LRMDA: variants seen among roughly 807,000 people sequenced by gnomAD.
LRMDA encodes leucine-rich melanocyte differentiation-associated protein.
Under a neutral mutation model 29.8 loss-of-function variants are expected in LRMDA, and 18 were observed. The observed-to-expected ratio is 0.60, with a 90% confidence interval of 0.42 to 0.90. The LOEUF (loss-of-function observed/expected upper bound fraction) is 0.90. Ranked by LOEUF, LRMDA falls within the 40% of genes least tolerant of loss-of-function variation. The pLI is 0.00. For missense variants in LRMDA, 273 were observed against 273.9 expected (o/e 1.00, Z 0.02); for synonymous variants, 125 against 109.4 (o/e 1.14, Z -0.89).
chr10:75,987,871 C>G (rs1847288381), intron 2 of LRMDA, among the ~76,000 whole-genome samples: 1 of 152,186 alleles, frequency 6.6e-6, no homozygotes, highest in East Asian at 1.9e-4. Flanking sequence ...GTCATAATTT[C>G]CTTCATTCAG....
chr10:76,355,817 G>T (rs145488563), intron 6 of LRMDA, among the ~76,000 whole-genome samples: 9 of 152,294 alleles, frequency 5.9e-5, no homozygotes, highest in African/African-American at 2.2e-4. Context: ...AAATTATTGG[G>T]TTAGGGAGTA....
chr10:76,101,951 A>G (rs1195344845), intron 5 of LRMDA, among the ~76,000 whole-genome samples: 1 of 152,192 alleles, frequency 6.6e-6, no homozygotes, highest in East Asian at 1.9e-4. Context: ...TTTTGTCTCC[A>G]TGGATTTATC....
chr10:76,424,883 G>A lies in LRMDA; in HGVS notation c.601+100398G>A, dbSNP rs1015001281. On this transcript the variant is annotated intron_variant, in intron 6 of 6. Transcript: ENST00000611255. ...AGAGATTGTGCCTTGACTAAAAAGC[G>A]CCAGCAAGTTTATGATGGGTGGTTG... is the stretch of plus-strand genomic sequence containing the variant. 3.9e-5 allele frequency among the ~76,000 whole-genome samples: 6 copies of A among 152,262 alleles called. No individual in the cohort carries two copies. The East Asian group carries it at 7.7e-4, about 20-fold the overall frequency.
At chr10:76,218,945 C>A (rs1851777275) in intron 5 of LRMDA, among the ~76,000 whole-genome samples, 2 of 152,204 alleles carry the variant, frequency 1.3e-5, no homozygotes, top group South Asian at 4.1e-4. Context: ...GAAACAGAAT[C>A]TATGCAGCTC....
At chr10:76,242,265 T>C (rs1050806310) in intron 5 of LRMDA, 2 of 152,150 alleles carry the variant, frequency 1.3e-5, no homozygotes, top group African/African-American at 4.8e-5. Context: ...CAAGTGATCT[T>C]CTCACCTCAG....
At chr10:75,802,669 C>T (rs1428436931) in intron 2 of LRMDA, among the ~76,000 whole-genome samples, 2 of 151,106 alleles carry the variant, frequency 1.3e-5, no homozygotes, top group East Asian at 2.0e-4. Flanking sequence ...CAAACACTAT[C>T]GAATGAAAGA....
intron 6 of LRMDA, among the ~76,000 whole-genome samples, chr10:76,324,710 A>C (rs1840813729): frequency 6.6e-6 from 1 of 151,894 alleles, no homozygotes; most frequent in Admixed American, 6.5e-5. Context: ...GTATAATATA[A>C]TTTTGTGATT....
intron 2 of LRMDA, among the ~76,000 whole-genome samples, chr10:75,691,979 G>A (rs1842164561): frequency 6.6e-6 from 1 of 151,986 alleles, no homozygotes; most frequent in South Asian, 2.1e-4. Context: ...AAGGCAGGAA[G>A]ACCATTTGAG....
intron 2 of LRMDA, among the ~76,000 whole-genome samples, chr10:75,989,091 C>T (rs1426333734): frequency 6.6e-6 from 1 of 152,152 alleles, no homozygotes; most frequent in Non-Finnish European, 1.5e-5. Flanking sequence ...TGCGGGAATC[C>T]AACTCCACAA....
chr10:76,044,211 A>G (rs1848389345), intron 3 of LRMDA, among the ~76,000 whole-genome samples: 1 of 152,168 alleles, frequency 6.6e-6, no homozygotes, highest in African/African-American at 2.4e-5. Flanking sequence ...TGGGTGGGCT[A>G]GAAAGTTGGA....
intron 2 of LRMDA, among the ~76,000 whole-genome samples, chr10:75,463,991 G>A (rs1268540687): frequency 6.6e-6 from 1 of 151,994 alleles, no homozygotes; most frequent in Non-Finnish European, 1.5e-5. Context: ...TAGTAGAGAT[G>A]GGGTTTCTCC....
intron 5 of LRMDA, among the ~76,000 whole-genome samples, chr10:76,060,472 G>A (rs980227102): frequency 6.6e-6 from 1 of 152,172 alleles, no homozygotes; most frequent in Non-Finnish European, 1.5e-5. Flanking sequence ...CGCTTTATGG[G>A]TGAGGGAACT....
At chr10:76,261,209 C>T (rs549205453) in intron 5 of LRMDA, among the ~76,000 whole-genome samples, 9 of 151,692 alleles carry the variant, frequency 5.9e-5, no homozygotes, top group Non-Finnish European at 1.2e-4. Flanking sequence ...GGACTACAGG[C>T]GCCTGCCACC....
chr10:76,064,402 T>A (rs1476912796), intron 5 of LRMDA, among the ~76,000 whole-genome samples: 2 of 152,158 alleles, frequency 1.3e-5, no homozygotes, highest in African/African-American at 4.8e-5. Flanking sequence ...ATATTAGGGC[T>A]TTTAGGAAGT....
At chr10:76,519,041 G>A (rs1299269384) in intron 6 of LRMDA, among the ~76,000 whole-genome samples, 2 of 152,120 alleles carry the variant, frequency 1.3e-5, no homozygotes, top group African/African-American at 2.4e-5. Flanking sequence ...AGGTGTGGTG[G>A]TTTACATGTG....
intron 5 of LRMDA, among the ~76,000 whole-genome samples, chr10:76,214,500 G>A (rs1210453397): frequency 4.6e-5 from 7 of 150,608 alleles, no homozygotes; most frequent in African/African-American, 1.2e-4. Context: ...GCCCACCACC[G>A]CGCCCGGCTA....
At chr10:75,689,614 A>C (rs1842120863) in intron 2 of LRMDA, among the ~76,000 whole-genome samples, 1 of 151,968 alleles carries the variant, frequency 6.6e-6, no homozygotes, top group South Asian at 2.1e-4. Flanking sequence ...CTGTGTGGGG[A>C]GCATGTGTGT....
At chr10:75,434,416 A>G (rs1844242562) in intron 1 of LRMDA, among the ~76,000 whole-genome samples, 1 of 152,330 alleles carries the variant, frequency 6.6e-6, no homozygotes. Flanking sequence ...TGGTTTTTAC[A>G]TTATTCTTAA....
chr10:75,461,363 T>A (rs1844582380), intron 2 of LRMDA, among the ~76,000 whole-genome samples: 2 of 152,178 alleles, frequency 1.3e-5, no homozygotes, highest in Admixed American at 1.3e-4. Context: ...GGCTCCTCTT[T>A]AATGAAGGTC....
Sources: gnomAD v4.1 joint callset for allele counts (sites outside exome capture counted in the v4.1 genomes callset) on GRCh38, gnomAD v4.1.1 for gene constraint, MANE v1.5 for transcripts, NCBI Gene and HGNC (gene_info 2026-07-23, HGNC 2026-07-21) for gene names.